The following NR4A2 variants were observed in gnomAD, a reference collection of about 807,000 sequenced individuals.
The protein encoded by NR4A2 is NGFI-B/nur77 beta-type transcription factor homolog.
A neutral mutation model predicts 50.5 loss-of-function variants in NR4A2; 1 was observed. The observed-to-expected ratio is 0.02, with a 90% CI of 0.01 to 0.09. The LOEUF (loss-of-function observed/expected upper bound fraction) is 0.09. NR4A2 is among the 10% of genes least tolerant of loss of function. The pLI, the probability that NR4A2 is intolerant of heterozygous loss-of-function variation, is 1.00. For synonymous variants in NR4A2, 328 were observed against 309.4 expected (o/e 1.06, Z -0.63); for missense variants, 613 against 777.3 (o/e 0.79, Z 2.51).
Position 156,328,516 on chromosome 2 carries a change from A to AT in NR4A2, c.881dup (p.Asn294LysfsTer10), listed in dbSNP as rs1686760554. ...TATTTGCTAAACACACGTATTTTGC[A>AT]TTTTTTTGCACTGTGCGCTGCAAAA... is the stretch of plus-strand genomic sequence containing the variant. On this transcript the variant is annotated frameshift_variant, in exon 4 of 8. Coordinates refer to ENST00000339562, the MANE Select transcript of NR4A2 (RefSeq NM_006186.4). LOFTEE classifies it high-confidence loss of function. This position sits in a 1 kb window ranked among gnomAD's most constrained non-coding sequence, Gnocchi z 4.9. 1 of 1,614,132 alleles carries AT rather than the reference A, an allele frequency of 6.2e-7. No homozygotes were observed. The highest frequency in any genetic ancestry group is 8.5e-7 in the Non-Finnish European group (1 of 1,180,016).
chr2:156,325,371 G>A lies in NR4A2; in HGVS notation c.*373C>T, dbSNP rs1686595762. 3 of 333,104 alleles carry A rather than the reference G, an allele frequency of 9.0e-6. No individual in the cohort carries two copies. Among genetic ancestry groups the A allele is most frequent in the South Asian group, 5.1e-5 (2 of 39,564 alleles). 20.6% of individuals were successfully genotyped at this position (333,104 alleles called of 1,614,324 possible). A position where few individuals can be genotyped will look rare whatever the true frequency, so the allele number is the denominator to read the frequency against. ...ATGTGTGTGTGTGTTACATTTGTCT[G>A]AACTGCAACAACCAAGCATGGCCAA... On this transcript the variant is annotated 3_prime_UTR_variant, in exon 8 of 8. Coordinates refer to ENST00000339562, the MANE Select transcript of NR4A2 (RefSeq NM_006186.4).
rs1573809090 is a variant in NR4A2, at chr2:156,324,639, A to G, written c.*1105T>C. On this transcript the variant is annotated 3_prime_UTR_variant, in exon 8 of 8. Transcript: ENST00000339562. Reference sequence around the variant, plus strand: ...AAAATTCTTACTCAAACAAAATAATAAATTAACTGACAATTTTAGACATAA... The same window carrying G: ...AAAATTCTTACTCAAACAAAATAATGAATTAACTGACAATTTTAGACATAA... 2 of 152,736 alleles carry G rather than the reference A, an allele frequency of 1.3e-5. No homozygotes were observed. The highest frequency in any genetic ancestry group is 1.5e-5 in the Non-Finnish European group (1 of 68,026). 9.5% of individuals were successfully genotyped at this position (152,736 alleles called of 1,614,324 possible). A position where few individuals can be genotyped will look rare whatever the true frequency, so the allele number is the denominator to read the frequency against.
intron 5 of NR4A2, 45 bp downstream of exon 5, chr2:156,327,806 A>G: frequency 6.4e-7 from 1 of 1,553,572 alleles, no homozygotes; most frequent in Non-Finnish European, 8.7e-7. Context: ...GGTCCTGCCC[A>G]TCTGTCGGTT....
At position 156,328,649 on chromosome 2, in the gene NR4A2, C is replaced by G; in HGVS notation, c.865-116G>C. ...TACGATTCCTCCCCACAAACAAACA[C>G]ATACACACAATTCCATTTTATTTTT... On this transcript the variant is annotated intron_variant, in intron 3 of 7. Coordinates refer to ENST00000339562, the MANE Select transcript of NR4A2 (RefSeq NM_006186.4). The surrounding 1 kb of genome is among the most constrained non-coding windows in gnomAD (Gnocchi z 4.9). 8.3e-7 allele frequency: 1 copy of G among 1,208,812 alleles called. No homozygotes were observed. Among genetic ancestry groups the G allele is most frequent in the Non-Finnish European group, 1.2e-6 (1 of 823,756 alleles). 74.9% of individuals were successfully genotyped at this position (1,208,812 alleles called of 1,614,324 possible).
Position 156,326,999 on chromosome 2 carries a change from TA to T in NR4A2, c.1159-80del, listed in dbSNP as rs1686678838. 7.4e-7 allele frequency: 1 copy of T among 1,357,172 alleles called. No homozygotes were observed. Among genetic ancestry groups the T allele is most frequent in the African/African-American group, 1.4e-5 (1 of 69,722 alleles). The allele number at this position is 1,357,172 out of a possible 1,614,324, so 84.1% of individuals were successfully genotyped here. A position where few individuals can be genotyped will look rare whatever the true frequency, so the allele number is the denominator to read the frequency against. ...GTGAAATTGCTAACCCCGTTTCTAA[TA>T]GGGGAGCCAGGTTTTTATAACAATT... On this transcript the variant is annotated intron_variant, in intron 5 of 7. Coordinates refer to ENST00000339562, the MANE Select transcript of NR4A2 (RefSeq NM_006186.4). This position sits in a 1 kb window ranked among gnomAD's most constrained non-coding sequence, Gnocchi z 4.2.
In NR4A2 at chr2:156,326,156, C is replaced by G; in HGVS notation, c.1534G>C (p.Val512Leu). Residue 512 changes from valine (V) to leucine (L), a missense_variant, in exon 7 of 8, where the codon GTC (valine) becomes CTC (leucine). Transcript: ENST00000339562. The surrounding 1 kb of genome is among the most constrained non-coding windows in gnomAD (Gnocchi z 4.2). The part of the protein sequence containing the change: ...AFSCIAALAM[V>L]TERHGLKEPK... The stretch of plus-strand genomic sequence containing the variant: ...CTGCGCCTGCAGTACTGACCTGTGA[C>G]CATAGCCAGGGCAGCAATGCAGGAG... The G allele has an allele frequency of 6.2e-7, 1 of 1,614,212 alleles. No individual in the cohort carries two copies.
chr2:156,332,581 G>A lies in NR4A2; in HGVS notation c.-228C>T. On this transcript the variant is annotated 5_prime_UTR_variant, in exon 1 of 8. Coordinates refer to ENST00000339562, the MANE Select transcript of NR4A2 (RefSeq NM_006186.4). ...GGTCGGGTAGGGGTGGGAGAGCTGG[G>A]CGAAGGGAACCCGGACACCTCACGG... 9.3e-7 allele frequency: 1 copy of A among 1,072,142 alleles called. No individual in the cohort carries two copies. The highest frequency in any genetic ancestry group is 1.3e-6 in the Non-Finnish European group (1 of 792,078). The allele number at this position is 1,072,142 out of a possible 1,614,324, so 66.4% of individuals were successfully genotyped here.
At position 156,332,686 on chromosome 2, in the gene NR4A2, G is replaced by C; in HGVS notation, c.-333C>G. ...CGTGCGCGAGCCGCCGGGCGGACTG[G>C]CCCTGGCCGCCAATGTGCCTTTGTT... On this transcript the variant is annotated 5_prime_UTR_variant, in exon 1 of 8. Transcript: ENST00000339562. The C allele has an allele frequency of 2.6e-6, 1 of 379,920 alleles. No individual in the cohort carries two copies. Among genetic ancestry groups the C allele is most frequent in the South Asian group, 1.9e-5 (1 of 52,464 alleles). 23.5% of individuals were successfully genotyped at this position (379,920 alleles called of 1,614,324 possible).
At chr2:156,327,731 T>C in intron 5 of NR4A2, 120 bp downstream of exon 5, 1 of 1,238,522 alleles carries the variant, frequency 8.1e-7, no homozygotes, top group Non-Finnish European at 1.2e-6. Flanking sequence ...CTGCGAGGCA[T>C]ATACAGCCTT....
In NR4A2 at chr2:156,324,790, C is replaced by T. The variant is rs1276883385; in HGVS notation, c.*954G>A. On this transcript the variant is annotated 3_prime_UTR_variant, in exon 8 of 8. Coordinates refer to ENST00000339562, the MANE Select transcript of NR4A2 (RefSeq NM_006186.4). ...GACAACAAAATAATCAAGATATAAA[C>T]TTTCTTTTTATCAACATCAACGGTA... 1 of 152,620 alleles carries T rather than the reference C, an allele frequency of 6.6e-6. No homozygotes were observed. Among genetic ancestry groups the T allele is most frequent in the Non-Finnish European group, 1.5e-5 (1 of 68,024 alleles). The allele number at this position is 152,620 out of a possible 1,614,324, so 9.5% of individuals were successfully genotyped here.
In NR4A2 at chr2:156,326,810, C is replaced by A. The variant is rs2105595905; in HGVS notation, c.1269G>T (p.Lys423Asn). 1 of 1,614,250 alleles carries A rather than the reference C, an allele frequency of 6.2e-7. No homozygotes were observed. Among genetic ancestry groups the A allele is most frequent in the Non-Finnish European group, 8.5e-7 (1 of 1,180,040 alleles). Reference sequence around the variant, plus strand: ...TGGGCAGGTCTGCGAAGCCAGGGATCTTCTCTGCCCAGCCCCGGATGATCT... The same window carrying A: ...TGGGCAGGTCTGCGAAGCCAGGGATATTCTCTGCCCAGCCCCGGATGATCT... The part of the protein sequence containing the change: ...SMEIIRGWAE[K>N]IPGFADLPKA... The change falls in exon 6 of 8, where the codon AAG becomes AAT. Residue 423 changes from lysine to asparagine, a missense_variant. This residue lies in a region of NR4A2 where 250 missense variants were observed against 311.3 expected (regional missense o/e 0.80). Coordinates refer to ENST00000339562, the MANE Select transcript of NR4A2 (RefSeq NM_006186.4). This position sits in a 1 kb window ranked among gnomAD's most constrained non-coding sequence, Gnocchi z 4.2.
Position 156,330,058 on chromosome 2 carries a change from G to A in NR4A2, c.129C>T (p.Ser43=). 1 of 1,614,196 alleles carries A rather than the reference G, an allele frequency of 6.2e-7. No homozygotes were observed. The highest frequency in any genetic ancestry group is 8.5e-7 in the Non-Finnish European group (1 of 1,180,030). ...TGATTTCAGTGTTGGTGAGGTCCAT[G>A]CTAAACTTGACAAACTCTGGAGTTA... ...DFLTPEFVKF[S]MDLTNTEITA... Residue 43 remains serine (S), a synonymous_variant, in exon 3 of 8, where the codon AGC becomes AGT. Coordinates refer to ENST00000339562, the MANE Select transcript of NR4A2 (RefSeq NM_006186.4).
chr2:156,329,186 C>T lies in NR4A2; in HGVS notation c.864+137G>A. On this transcript the variant is annotated intron_variant, in intron 3 of 7. Coordinates refer to ENST00000339562, the MANE Select transcript of NR4A2 (RefSeq NM_006186.4). The surrounding 1 kb of genome is among the most constrained non-coding windows in gnomAD (Gnocchi z 7.5). Reference sequence around the variant, plus strand: ...CAGCCCATGGTCTCCTGCAGGGCAGCTTCGGCGGACCCCGGAGAGCTGGGC... The same window carrying T: ...CAGCCCATGGTCTCCTGCAGGGCAGTTTCGGCGGACCCCGGAGAGCTGGGC... The T allele has an allele frequency of 7.7e-7, 1 of 1,299,076 alleles. No individual in the cohort carries two copies. The highest frequency in any genetic ancestry group is 1.1e-6 in the Non-Finnish European group (1 of 931,052). 80.5% of individuals were successfully genotyped at this position (1,299,076 alleles called of 1,614,324 possible). A position where few individuals can be genotyped will look rare whatever the true frequency, so the allele number is the denominator to read the frequency against.
At position 156,325,680 on chromosome 2, in the gene NR4A2, A is replaced by AGGG; in HGVS notation, c.*63_*64insCCC. The AGGG allele has an allele frequency of 6.2e-7, 1 of 1,603,208 alleles. No homozygotes were observed. On this transcript the variant is annotated 3_prime_UTR_variant, in exon 8 of 8. Coordinates refer to ENST00000339562, the MANE Select transcript of NR4A2 (RefSeq NM_006186.4). Reference sequence around the variant, plus strand: ...TCACACGGCTATCTCTGCCCATGTGACTTGCCCCCTCTTGACAGTTTCCAT... The same window carrying AGGG: ...TCACACGGCTATCTCTGCCCATGTGAGGGCTTGCCCCCTCTTGACAGTTTCCAT...
At chr2:156,330,960 G>T (rs922869279) in intron 1 of NR4A2, among the ~76,000 whole-genome samples, 169 bp from the exon 2 acceptor site, 1 of 152,160 alleles carries the variant, frequency 6.6e-6, no homozygotes, top group Non-Finnish European at 1.5e-5. Flanking sequence ...TAAAAGAAAT[G>T]ACTTGAAACA....
At chr2:156,331,318 G>A (rs1233119217) in intron 1 of NR4A2, among the ~76,000 whole-genome samples, 2 of 152,224 alleles carry the variant, frequency 1.3e-5, no homozygotes, top group African/African-American at 4.8e-5. Context: ...AAGGCAAGTT[G>A]AGTGGAAGCA....
chr2:156,326,566 T>A lies in NR4A2; in HGVS notation c.1361+152A>T. 1 of 1,045,376 alleles carries A rather than the reference T, an allele frequency of 9.6e-7. No homozygotes were observed. Among genetic ancestry groups the A allele is most frequent in the Non-Finnish European group, 1.4e-6 (1 of 700,986 alleles). 64.8% of individuals were successfully genotyped at this position (1,045,376 alleles called of 1,614,324 possible). On this transcript the variant is annotated intron_variant, in intron 6 of 7. Coordinates refer to ENST00000339562, the MANE Select transcript of NR4A2 (RefSeq NM_006186.4). The surrounding 1 kb of genome is among the most constrained non-coding windows in gnomAD (Gnocchi z 4.2). ...TGGGCTCGCTTCTTCTCGTCTTTTT[T>A]TGTTTTCTTTCTTTTTCTTCCTTTC...
Position 156,327,912 on chromosome 2 carries a change from C to T in NR4A2, c.1097G>A (p.Ser366Asn), listed in dbSNP as rs1362093253. 1 of 1,596,540 alleles carries T rather than the reference C, an allele frequency of 6.3e-7. No individual in the cohort carries two copies. The highest frequency in any genetic ancestry group is 1.1e-5 in the South Asian group (1 of 88,340). The stretch of plus-strand genomic sequence containing the variant: ...GTCGACATGGGCCCTGACGAGGGCA[C>T]TGATCAGACTCACCGGGGGCGAAGG... ...SPPSPPVSLI[S>N]ALVRAHVDSN... The change falls in exon 5 of 8, where the codon AGT becomes AAT. Residue 366 changes from serine (S) to asparagine (N), a missense_variant. This residue lies in a region of NR4A2 where 250 missense variants were observed against 311.3 expected (regional missense o/e 0.80). Transcript: ENST00000339562.
chr2:156,327,754 T>C lies in NR4A2; in HGVS notation c.1158+97A>G, dbSNP rs1010987977. 3.4e-6 allele frequency: 5 copies of C among 1,467,672 alleles called. No individual in the cohort carries two copies. The African/African-American group carries it at 4.2e-5, about 12-fold the overall frequency. The allele number at this position is 1,467,672 out of a possible 1,614,324, so 90.9% of individuals were successfully genotyped here. ...CATATACAGCCTTGCTTGCCTTCTT[T>C]ACCCCCGTTGAATCTGAGAGTTAAT... On this transcript the variant is annotated intron_variant, in intron 5 of 7. Coordinates refer to ENST00000339562, the MANE Select transcript of NR4A2 (RefSeq NM_006186.4).
Sources: allele counts gnomAD v4.1 joint callset (sites outside exome capture counted in the v4.1 genomes callset), GRCh38; gene constraint gnomAD v4.1.1; regional missense constraint gnomAD v4.1.1; non-coding constraint Gnocchi (gnomAD v3.1); transcripts MANE v1.5; gene names NCBI Gene and HGNC (gene_info 2026-07-23, HGNC 2026-07-21).